Variants in CADM2 observed in about 807,000 individuals in gnomAD.
CADM2 encodes immunoglobulin superfamily member 4D.
In CADM2, 12 loss-of-function variants were observed where a neutral mutation model predicts 49.8. That is an observed-to-expected ratio of 0.24 (90% CI 0.15 to 0.39). The LOEUF (loss-of-function observed/expected upper bound fraction) is 0.39. Ranked by LOEUF, CADM2 falls within the 10% of genes least tolerant of loss-of-function variation. The probability of loss-of-function intolerance (pLI) is 1.00; values close to 1 mark genes in which losing one functional copy is unlikely to be tolerated. For missense variants in CADM2, 378 were observed against 492.3 expected, an observed-to-expected ratio of 0.77 and a Z score of 2.20; for synonymous variants, 214 against 175.4, an observed-to-expected ratio of 1.22 and a Z score of -1.74.
intron 1 of CADM2, among the ~76,000 whole-genome samples, chr3:85,361,945 C>T (rs1483964360): frequency 2.0e-5 from 3 of 152,178 alleles, no homozygotes; most frequent in Non-Finnish European, 1.5e-5. Context: ...AGGAAGCTAA[C>T]ATTTTCTGAA....
chr3:85,131,436 A>G (rs562700023), intron 1 of CADM2, among the ~76,000 whole-genome samples: 158 of 152,310 alleles, frequency 1.0e-3, no homozygotes, highest in South Asian at 6.2e-4. Context: ...AGCCTATACT[A>G]CATCAGATAA....
intron 7 of CADM2, among the ~76,000 whole-genome samples, chr3:85,941,721 T>G (rs1200325682): frequency 6.6e-6 from 1 of 152,026 alleles, no homozygotes; most frequent in East Asian, 1.9e-4. Flanking sequence ...TGAAGCAGTT[T>G]TATTGAGTGA....
chr3:85,444,812 C>A (rs1320860670), intron 1 of CADM2, among the ~76,000 whole-genome samples: 2 of 152,178 alleles, frequency 1.3e-5, no homozygotes, highest in African/African-American at 2.4e-5. Flanking sequence ...TCCTTGAACA[C>A]TTTTATTTGT....
At chr3:85,865,225 G>T (rs867538491) in intron 3 of CADM2, among the ~76,000 whole-genome samples, 5 of 152,156 alleles carry the variant, frequency 3.3e-5, no homozygotes, top group South Asian at 4.1e-4. Flanking sequence ...TTCTATGCCT[G>T]CTCCTGTCTC....
intron 1 of CADM2, among the ~76,000 whole-genome samples, chr3:85,379,409 T>G (rs1351168295): frequency 6.6e-6 from 1 of 151,956 alleles, no homozygotes; most frequent in Non-Finnish European, 1.5e-5. Flanking sequence ...GAAAAAGAAC[T>G]TTGAAAGTAA....
intron 1 of CADM2, among the ~76,000 whole-genome samples, chr3:85,247,577 C>A (rs1416331607): frequency 6.6e-6 from 1 of 152,062 alleles, no homozygotes; most frequent in Non-Finnish European, 1.5e-5. Flanking sequence ...AGATATATTT[C>A]TATAAATGAT....
intron 1 of CADM2, among the ~76,000 whole-genome samples, chr3:85,618,797 T>A (rs1388736180): frequency 6.6e-6 from 1 of 152,026 alleles, no homozygotes; most frequent in Non-Finnish European, 1.5e-5. Flanking sequence ...GACAATAGTG[T>A]CTATTTGTTA....
At chr3:85,744,224 T>A (rs2068517676) in intron 2 of CADM2, among the ~76,000 whole-genome samples, 1 of 152,068 alleles carries the variant, frequency 6.6e-6, no homozygotes, top group Non-Finnish European at 1.5e-5. Context: ...GTGGGGGATT[T>A]AGGGGATGGG....
rs1739410685 is a variant in CADM2, at chr3:86,067,025, T to TA, written c.*243dup. ...ATTTCACACCATTGCTCTTTTAACA[T>TA]ACAGTGCTTGAATATACAGCCTTAA... On this transcript the variant is annotated 3_prime_UTR_variant, in exon 10 of 10. Coordinates refer to ENST00000383699, the MANE Select transcript of CADM2 (RefSeq NM_001167675.2). The TA allele has an allele frequency of 6.2e-6, 3 of 482,008 alleles. No homozygotes were observed. The South Asian group carries it at 7.9e-5, about 13-fold the overall frequency. The allele number at this position is 482,008 out of a possible 1,614,324, so 29.9% of individuals were successfully genotyped here.
intron 8 of CADM2, among the ~76,000 whole-genome samples, chr3:85,990,901 C>A (rs1451907838): frequency 1.3e-5 from 2 of 152,148 alleles, no homozygotes; most frequent in Non-Finnish European, 2.9e-5. Flanking sequence ...ATTATGCCAA[C>A]CCCCCAAAAT....
chr3:85,249,671 T>A (rs748398896), intron 1 of CADM2, among the ~76,000 whole-genome samples: 1 of 151,964 alleles, frequency 6.6e-6, no homozygotes, highest in Non-Finnish European at 1.5e-5. Context: ...CAGGTCTACT[T>A]TTGCAAATGA....
At chr3:85,780,378 G>A (rs1322727258) in intron 2 of CADM2, among the ~76,000 whole-genome samples, 2 of 152,168 alleles carry the variant, frequency 1.3e-5, no homozygotes, top group Admixed American at 6.6e-5. Flanking sequence ...AAACATTCAT[G>A]AAATAATTGT....
intron 3 of CADM2, among the ~76,000 whole-genome samples, chr3:85,829,584 T>C (rs577620753): frequency 1.3e-5 from 2 of 152,068 alleles, no homozygotes; most frequent in Admixed American, 1.3e-4. Flanking sequence ...AATTAACACA[T>C]CCATTTCCAC....
chr3:85,879,521 CA>C (rs1458403572), intron 3 of CADM2, among the ~76,000 whole-genome samples: 3 of 152,094 alleles, frequency 2.0e-5, no homozygotes, highest in African/African-American at 7.2e-5. Context: ...GCTCCTCTCA[CA>C]AAGCACATAG....
chr3:85,729,730 T>A (rs1559618581), intron 2 of CADM2, among the ~76,000 whole-genome samples: 1 of 152,204 alleles, frequency 6.6e-6, no homozygotes, highest in Non-Finnish European at 1.5e-5. Context: ...CTTTACTCTC[T>A]GGGTCTATGA....
chr3:85,201,278 C>G (rs2041493873), intron 1 of CADM2, among the ~76,000 whole-genome samples: 1 of 152,080 alleles, frequency 6.6e-6, no homozygotes, highest in African/African-American at 2.4e-5. Flanking sequence ...TGTTGGTTTC[C>G]CACTGCATAT....
At chr3:85,306,550 T>A (rs1472655203) in intron 1 of CADM2, among the ~76,000 whole-genome samples, 1 of 151,734 alleles carries the variant, frequency 6.6e-6, no homozygotes, top group Non-Finnish European at 1.5e-5. Context: ...TCACCAAACT[T>A]TAAGATGTGA....
chr3:85,677,623 C>T (rs1278925209), intron 1 of CADM2, among the ~76,000 whole-genome samples: 1 of 151,944 alleles, frequency 6.6e-6, no homozygotes, highest in East Asian at 1.9e-4. Context: ...TTTGAACAAA[C>T]ATAAAGCAAA....
chr3:85,011,021 G>C (rs901113311), intron 1 of CADM2, among the ~76,000 whole-genome samples: 4 of 151,170 alleles, frequency 2.6e-5, no homozygotes, highest in African/African-American at 9.7e-5. Context: ...CTGCCACCAC[G>C]CCTGGCTAAT....
Sources: gnomAD v4.1 joint callset for allele counts (sites outside exome capture counted in the v4.1 genomes callset) on GRCh38, gnomAD v4.1.1 for gene constraint, MANE v1.5 for transcripts, NCBI Gene and HGNC (gene_info 2026-07-23, HGNC 2026-07-21) for gene names.